Variants in NINL observed in about 807,000 individuals in gnomAD.
The protein encoded by NINL is ninein-like protein.
A neutral mutation model predicts 160.3 loss-of-function variants in NINL; 153 were observed. That is an observed-to-expected ratio of 0.95 (90% CI 0.84 to 1.09). The LOEUF (loss-of-function observed/expected upper bound fraction) is 1.09, where lower values mean the gene tolerates loss of function less well. NINL is among the 50% of genes least tolerant of loss of function. The probability of loss-of-function intolerance (pLI) is 0.00; values close to 1 mark genes in which losing one functional copy is unlikely to be tolerated. For missense variants in NINL, 1,829 were observed against 1,764.0 expected (o/e 1.04, Z -0.66); for synonymous variants, 800 against 734.8 (o/e 1.09, Z -1.43).
chr20:25,552,930 G>A (rs1328789801), intron 1 of NINL, among the ~76,000 whole-genome samples: 1 of 152,152 alleles, frequency 6.6e-6, no homozygotes, highest in Non-Finnish European at 1.5e-5. Flanking sequence ...ATCAAAGAAA[G>A]GCTGAGCTGA....
intron 4 of NINL, 27 bp downstream of exon 4, chr20:25,512,807 C>G (rs1401679873): frequency 6.3e-7 from 1 of 1,584,472 alleles, no homozygotes; most frequent in Admixed American, 1.8e-5. Flanking sequence ...CACTGGGCAG[C>G]TGGGGTGGGA....
chr20:25,465,055 G>A (rs1432568454), intron 19 of NINL, among the ~76,000 whole-genome samples: 12 of 152,130 alleles, frequency 7.9e-5, no homozygotes, highest in Admixed American at 3.9e-4. Flanking sequence ...CTGTCTCCTG[G>A]GTGTGTGTTA....
chr20:25,492,741 C>T (rs1423679802), intron 10 of NINL, among the ~76,000 whole-genome samples: 7 of 151,910 alleles, frequency 4.6e-5, no homozygotes, highest in Admixed American at 3.3e-4. Flanking sequence ...CACACCCGGC[C>T]ACAACATGGT....
chr20:25,490,430 G>A (rs1432699486), intron 11 of NINL, among the ~76,000 whole-genome samples: 2 of 151,912 alleles, frequency 1.3e-5, no homozygotes, highest in East Asian at 3.9e-4. Flanking sequence ...CGTGGTGGCG[G>A]GAGCCTGTAG....
At chr20:25,469,435 C>A (rs1162998884) in intron 18 of NINL, among the ~76,000 whole-genome samples, 1 of 150,654 alleles carries the variant, frequency 6.6e-6, no homozygotes, top group Non-Finnish European at 1.5e-5. Flanking sequence ...GTGGGCGGCC[C>A]ACTGCCCTGT....
At chr20:25,462,354 C>G (rs775254397) in intron 20 of NINL, 29 bp downstream of exon 20, 11 of 1,507,142 alleles carry the variant, frequency 7.3e-6, no homozygotes, top group Admixed American at 4.1e-5. Context: ...CAGCCTCCAG[C>G]TCAGCTCCCT....
intron 1 of NINL, among the ~76,000 whole-genome samples, chr20:25,543,947 G>A (rs988078066): frequency 8.5e-5 from 11 of 129,362 alleles, no homozygotes; most frequent in Admixed American, 2.9e-4. Flanking sequence ...GTGAGCCACC[G>A]CGCCTGGCCT....
intron 1 of NINL, chr20:25,539,881 C>T (rs1262368020): frequency 5.2e-6 from 2 of 382,674 alleles, no homozygotes; most frequent in African/African-American, 4.2e-5. Context: ...ACGGAGCTTT[C>T]CCTGAACTCT....
chr20:25,549,635 G>A (rs1159383754), intron 1 of NINL, among the ~76,000 whole-genome samples: 5 of 152,212 alleles, frequency 3.3e-5, no homozygotes, highest in Non-Finnish European at 7.3e-5. Context: ...AGCTCATCAT[G>A]CACGAGTGGA....
chr20:25,559,433 G>A (rs889565263), intron 1 of NINL, among the ~76,000 whole-genome samples: 1 of 152,134 alleles, frequency 6.6e-6, no homozygotes, highest in South Asian at 2.1e-4. Context: ...TAGAGACGGG[G>A]TTTCACCATG....
intron 6 of NINL, among the ~76,000 whole-genome samples, chr20:25,504,521 G>C (rs1031059110): frequency 6.6e-6 from 1 of 152,248 alleles, no homozygotes; most frequent in African/African-American, 2.4e-5. Flanking sequence ...CCACTGGAGA[G>C]TGAGGACAGG....
At chr20:25,453,798 C>A (rs1427645640) in intron 23 of NINL, among the ~76,000 whole-genome samples, 156 bp from the exon 24 acceptor site, 1 of 152,128 alleles carries the variant, frequency 6.6e-6, no homozygotes, top group Non-Finnish European at 1.5e-5. Flanking sequence ...CGCCTGTAAT[C>A]CCAGCACTTT....
intron 1 of NINL, among the ~76,000 whole-genome samples, chr20:25,539,192 C>T (rs983804993): frequency 2.6e-5 from 4 of 152,200 alleles, no homozygotes; most frequent in South Asian, 2.1e-4. Flanking sequence ...AAGGAGTCAG[C>T]GAACAGCCAT....
At chr20:25,495,253 G>T (rs934102940) in intron 10 of NINL, among the ~76,000 whole-genome samples, 1 of 152,174 alleles carries the variant, frequency 6.6e-6, no homozygotes, top group African/African-American at 2.4e-5. Flanking sequence ...AGTGCAGCTG[G>T]CACAATTCCA....
intron 1 of NINL, among the ~76,000 whole-genome samples, chr20:25,576,752 G>A (rs769067724): frequency 6.6e-6 from 1 of 152,072 alleles, no homozygotes; most frequent in Non-Finnish European, 1.5e-5. Context: ...ATGTGCCACC[G>A]TGCCAGCCTG....
intron 1 of NINL, among the ~76,000 whole-genome samples, chr20:25,552,947 C>T (rs2064822557): frequency 6.6e-6 from 1 of 152,132 alleles, no homozygotes. Context: ...CTGAGACACC[C>T]AGGGAAAGTG....
At chr20:25,468,797 A>C (rs1392527022) in intron 18 of NINL, among the ~76,000 whole-genome samples, 2 of 53,960 alleles carry the variant, frequency 3.7e-5, no homozygotes, top group Non-Finnish European at 3.4e-5. Flanking sequence ...TGTCCCCCTG[A>C]CTCTCACTGG....
At position 25,456,111 on chromosome 20, in the gene NINL, C is replaced by T. The variant is rs912265361; in HGVS notation, c.3844-325G>A. On this transcript the variant is annotated intron_variant, in intron 22 of 23. Coordinates refer to ENST00000278886, the MANE Select transcript of NINL (RefSeq NM_025176.6). ...AAGAAAAATTAGCTGGGCGTGGTAG[C>T]GTGCACCTGTAGTCCCAGCTACTTG... Among the ~76,000 whole-genome samples, 22 of 148,736 alleles carry T rather than the reference C, an allele frequency of 1.5e-4. 1 individual carries two copies. Among genetic ancestry groups the T allele is most frequent in the Admixed American group, 1.4e-3 (21 of 14,856 alleles).
Position 25,489,860 on chromosome 20 carries a change from A to T in NINL, c.1596+15T>A. 6.2e-7 allele frequency: 1 copy of T among 1,612,064 alleles called. No homozygotes were observed. The highest frequency in any genetic ancestry group is 1.1e-5 in the South Asian group (1 of 91,046). On this transcript the variant is annotated intron_variant, in intron 12 of 23. Coordinates refer to ENST00000278886, the MANE Select transcript of NINL (RefSeq NM_025176.6). ...CCCTCCCCTCTGGAGGCAGACTGTC[A>T]GCAAAGGGACTCGCCTTGTCCTTCA...
Sources: gnomAD v4.1 joint callset for allele counts (sites outside exome capture counted in the v4.1 genomes callset) on GRCh38, gnomAD v4.1.1 for gene constraint, MANE v1.5 for transcripts, NCBI Gene and HGNC (gene_info 2026-07-23, HGNC 2026-07-21) for gene names.